The following MAP3K5 variants were observed in gnomAD, a reference collection of about 807,000 sequenced individuals.
The protein encoded by MAP3K5 is ASK-1.
Under a neutral mutation model 158.7 loss-of-function variants are expected in MAP3K5, and 56 were observed. That is an observed-to-expected ratio of 0.35 (90% confidence interval 0.28 to 0.44). The LOEUF is 0.44. MAP3K5 is among the 20% of genes least tolerant of loss of function. MAP3K5 has a pLI of 1.00. For synonymous variants in MAP3K5, 579 were observed against 601.7 expected (o/e 0.96, Z 0.55); for missense variants, 1,294 against 1,674.8 (o/e 0.77, Z 3.97).
intron 1 of MAP3K5, among the ~76,000 whole-genome samples, chr6:136,776,668 G>A (rs1392505628): frequency 1.3e-5 from 2 of 152,160 alleles, no homozygotes; most frequent in Admixed American, 6.5e-5. Context: ...CTCCAACACC[G>A]ACAAATTCTT....
At chr6:136,756,595 C>T (rs1783502225) in intron 1 of MAP3K5, among the ~76,000 whole-genome samples, 1 of 152,150 alleles carries the variant, frequency 6.6e-6, no homozygotes, top group Non-Finnish European at 1.5e-5. Context: ...ATCTCTTTAT[C>T]ATAAGTGTCC....
chr6:136,719,273 C>A (rs758775417), intron 2 of MAP3K5, among the ~76,000 whole-genome samples: 14 of 152,040 alleles, frequency 9.2e-5, no homozygotes, highest in Admixed American at 2.0e-4. Context: ...ATATGGGTTG[C>A]AAATAGCAGC....
chr6:136,736,285 C>T (rs972198997), intron 1 of MAP3K5, among the ~76,000 whole-genome samples: 1 of 152,194 alleles, frequency 6.6e-6, no homozygotes, highest in Non-Finnish European at 1.5e-5. Flanking sequence ...AGAGGCCATA[C>T]CCTTTCTTTC....
Position 136,622,986 on chromosome 6 carries a change from A to G in MAP3K5, c.2017-5T>C. ...TTCATCATATTCATAGTCATACTAC[A>G]AAAGGAAAAACGGGGAGAAAAGATC... On this transcript the variant is annotated splice_polypyrimidine_tract_variant and splice_region_variant and intron_variant, in intron 14 of 29. Coordinates refer to ENST00000359015, the MANE Select transcript of MAP3K5 (RefSeq NM_005923.4). 6.2e-7 allele frequency: 1 copy of G among 1,612,046 alleles called. No individual in the cohort carries two copies. The highest frequency in any genetic ancestry group is 8.5e-7 in the Non-Finnish European group (1 of 1,179,454).
Position 136,582,286 on chromosome 6 carries a change from G to A in MAP3K5, c.3411+1269C>T, listed in dbSNP as rs1023529862. Among the ~76,000 whole-genome samples, 4 of 151,704 alleles carry A rather than the reference G, an allele frequency of 2.6e-5. No homozygotes were observed. The East Asian group carries it at 7.8e-4, about 29-fold the overall frequency. ...TACGTGTGTGTGTGTGTGTGTGTGT[G>A]TGTGTGTGTGTGTGTGTGTGTGTCT... is the stretch of plus-strand genomic sequence containing the variant. On this transcript the variant is annotated intron_variant, in intron 24 of 29. Transcript: ENST00000359015.
intron 23 of MAP3K5, 51 bp downstream of exon 23, chr6:136,592,122 C>G: frequency 6.7e-7 from 1 of 1,491,362 alleles, no homozygotes; most frequent in Non-Finnish European, 9.0e-7. Flanking sequence ...GGTTAGGACA[C>G]AGATAAAATA....
At chr6:136,730,502 A>G (rs971970952) in intron 1 of MAP3K5, among the ~76,000 whole-genome samples, 1 of 151,376 alleles carries the variant, frequency 6.6e-6, no homozygotes, top group Admixed American at 6.6e-5. Flanking sequence ...CGGGTAGATC[A>G]CGAGGTCAGG....
intron 2 of MAP3K5, among the ~76,000 whole-genome samples, chr6:136,714,291 T>C (rs1167776714): frequency 2.0e-5 from 3 of 152,210 alleles, no homozygotes; most frequent in Admixed American, 6.5e-5. Flanking sequence ...TCCTCACCAA[T>C]TTACAAACTG....
At chr6:136,788,090 T>C (rs908018850) in intron 1 of MAP3K5, among the ~76,000 whole-genome samples, 2 of 152,216 alleles carry the variant, frequency 1.3e-5, no homozygotes, top group Non-Finnish European at 2.9e-5. Context: ...TCTTGAGTAA[T>C]AGGGCAGAGT....
In MAP3K5 at chr6:136,769,702, C is replaced by A. The variant is rs146569456; in HGVS notation, c.448+22008G>T. On this transcript the variant is annotated intron_variant, in intron 1 of 29. Transcript: ENST00000359015. ...TAACGTCTGGCACTGGCACACAAGG[C>A]TGACCCAACCAATGTGCACTGAAGG... Among the ~76,000 whole-genome samples, 6 of 143,454 alleles carry A rather than the reference C, an allele frequency of 4.2e-5. No homozygotes were observed. In the East Asian group the frequency reaches 1.2e-3, roughly 30 times the overall value. The allele number at this position is 143,454 out of a possible 152,430, so 94.1% of individuals were successfully genotyped here.
chr6:136,614,230 T>C lies in MAP3K5; in HGVS notation c.2207A>G (p.Asn736Ser). Reference sequence around the variant, plus strand: ...GAAAGAGCCCAGATACTGGACAATATTTTTGTGCTTCAGGTGTTTATGCAA... The same window carrying C: ...GAAAGAGCCCAGATACTGGACAATACTTTTGTGCTTCAGGTGTTTATGCAA... The part of the protein sequence containing the change: ...IALHKHLKHK[N>S]IVQYLGSFSE... Residue 736 changes from asparagine to serine, a missense_variant, in exon 16 of 30, where the codon AAT (asparagine) becomes AGT (serine). By Grantham distance (46) the Asn-to-Ser change is conservative. Coordinates refer to ENST00000359015, the MANE Select transcript of MAP3K5 (RefSeq NM_005923.4). 1 of 1,613,590 alleles carries C rather than the reference T, an allele frequency of 6.2e-7. No individual in the cohort carries two copies. The highest frequency in any genetic ancestry group is 8.5e-7 in the Non-Finnish European group (1 of 1,179,638).
At chr6:136,663,290 C>A (rs995393170) in intron 8 of MAP3K5, among the ~76,000 whole-genome samples, 2 of 152,162 alleles carry the variant, frequency 1.3e-5, no homozygotes, top group Non-Finnish European at 2.9e-5. Flanking sequence ...CAATGAATGA[C>A]CATATTTTCA....
chr6:136,657,674 A>G lies in MAP3K5; in HGVS notation c.1527-1214T>C, dbSNP rs565316910. Among the ~76,000 whole-genome samples the G allele has an allele frequency of 1.1e-4, 17 of 152,342 alleles. No homozygotes were observed. In the South Asian group the frequency reaches 3.5e-3, roughly 32 times the overall value. The stretch of plus-strand genomic sequence containing the variant: ...ACTCAGTATCAAGAGAAGCATAACT[A>G]AAGAATGACAGAAACACTAAAGAAG... On this transcript the variant is annotated intron_variant, in intron 9 of 29. Transcript: ENST00000359015.
chr6:136,685,557 C>T (rs957974470), intron 7 of MAP3K5, among the ~76,000 whole-genome samples: 2 of 152,038 alleles, frequency 1.3e-5, no homozygotes, highest in African/African-American at 4.8e-5. Context: ...AGAAAGAGTT[C>T]GATGAGCCAT....
chr6:136,675,514 G>T (rs1484632958), intron 7 of MAP3K5, among the ~76,000 whole-genome samples: 1 of 152,058 alleles, frequency 6.6e-6, no homozygotes, highest in Non-Finnish European at 1.5e-5. Flanking sequence ...GGGCAACTCA[G>T]TTCATAACCC....
intron 1 of MAP3K5, among the ~76,000 whole-genome samples, chr6:136,729,502 C>A (rs1782114855): frequency 6.6e-6 from 1 of 152,178 alleles, no homozygotes; most frequent in Non-Finnish European, 1.5e-5. Context: ...CAGAGGAGAC[C>A]CTTTGAGCAA....
At chr6:136,679,717 T>G (rs1377044980) in intron 7 of MAP3K5, among the ~76,000 whole-genome samples, 1 of 152,246 alleles carries the variant, frequency 6.6e-6, no homozygotes, top group Non-Finnish European at 1.5e-5. Flanking sequence ...CACCCTATTT[T>G]TATGATCTGC....
intron 1 of MAP3K5, among the ~76,000 whole-genome samples, chr6:136,784,524 AT>A (rs1311333242): frequency 6.6e-6 from 1 of 152,092 alleles, no homozygotes; most frequent in Non-Finnish European, 1.5e-5. Context: ...CACCACTGGG[AT>A]TTTTTTAAAA....
In MAP3K5 at chr6:136,557,635, G is replaced by A; in HGVS notation, c.*123C>T. Reference sequence around the variant, plus strand: ...TCTGTTTTTTTTTTTTTTAACATGAGTAAACAAATACTGGATTTAAAGTGC... The same window carrying A: ...TCTGTTTTTTTTTTTTTTAACATGAATAAACAAATACTGGATTTAAAGTGC... On this transcript the variant is annotated 3_prime_UTR_variant, in exon 30 of 30. Transcript: ENST00000359015. 3.6e-6 allele frequency: 2 copies of A among 555,204 alleles called. No homozygotes were observed. The highest frequency in any genetic ancestry group is 6.4e-6 in the Non-Finnish European group (2 of 313,630). The allele number at this position is 555,204 out of a possible 1,614,324, so 34.4% of individuals were successfully genotyped here.
Sources: allele counts gnomAD v4.1 joint callset (sites outside exome capture counted in the v4.1 genomes callset), GRCh38; gene constraint gnomAD v4.1.1; transcripts MANE v1.5; gene names NCBI Gene and HGNC (gene_info 2026-07-23, HGNC 2026-07-21).